NUP98: variants seen among roughly 807,000 people sequenced by gnomAD.
NUP98 encodes the protein nucleoporin 98 and 96 precursor.
Under a neutral mutation model 191.9 loss-of-function variants are expected in NUP98, and 26 were observed. That is an observed-to-expected ratio of 0.14 (90% CI 0.10 to 0.19). NUP98 has a LOEUF of 0.19. Among genes scored for constraint, NUP98 ranks in the 10% least tolerant of loss-of-function variants. The pLI is 1.00. For synonymous variants in NUP98, 808 were observed against 778.4 expected, an observed-to-expected ratio of 1.04 and a Z score of -0.63; for missense variants, 1,941 against 2,178.8, an observed-to-expected ratio of 0.89 and a Z score of 2.17.
intron 6 of NUP98, among the ~76,000 whole-genome samples, chr11:3,773,294 C>T (rs991218263): frequency 6.6e-6 from 1 of 151,798 alleles, no homozygotes. Context: ...GTCCCACCTA[C>T]TTCGGAGGCT....
intron 10 of NUP98, among the ~76,000 whole-genome samples, chr11:3,756,431 G>A (rs2080960431): frequency 6.6e-6 from 1 of 152,022 alleles, no homozygotes; most frequent in South Asian, 2.1e-4. Context: ...TATCACTGAA[G>A]ATGACTGTAA....
At chr11:3,762,833 C>A (rs2081217986) in intron 9 of NUP98, 69 bp downstream of exon 9, 1 of 1,553,088 alleles carries the variant, frequency 6.4e-7, no homozygotes, top group Non-Finnish European at 8.8e-7. Context: ...ACAGTCAAAT[C>A]CTTAGAAGAA....
At chr11:3,783,564 T>G (rs2082046280) in intron 1 of NUP98, among the ~76,000 whole-genome samples, 1 of 152,156 alleles carries the variant, frequency 6.6e-6, no homozygotes, top group Admixed American at 6.6e-5. Context: ...CCAGGCGTGG[T>G]GGTGCATGCC....
chr11:3,796,739 G>C (rs1256201631), intron 1 of NUP98, among the ~76,000 whole-genome samples: 1 of 152,184 alleles, frequency 6.6e-6, no homozygotes, highest in East Asian at 1.9e-4. Context: ...GTTACTCCGG[G>C]CCTCGGTTTC....
intron 28 of NUP98, 57 bp from the exon 29 acceptor site, chr11:3,686,251 A>G (rs958666529): frequency 1.4e-6 from 2 of 1,472,858 alleles, no homozygotes; most frequent in African/African-American, 2.8e-5. Context: ...CTGGACTGAT[A>G]TGTCAACTGT....
intron 15 of NUP98, among the ~76,000 whole-genome samples, 185 bp from the exon 16 acceptor site, chr11:3,723,640 T>C (rs901404799): frequency 6.6e-6 from 1 of 151,996 alleles, no homozygotes; most frequent in Non-Finnish European, 1.5e-5. Flanking sequence ...TATTGTATAC[T>C]CTCCTATATG....
chr11:3,679,421 G>T, intron 31 of NUP98, 133 bp downstream of exon 31: 1 of 1,061,876 alleles, frequency 9.4e-7, no homozygotes, highest in Non-Finnish European at 1.5e-6. Context: ...ATGAGCCTCA[G>T]CAAGATGCCT....
chr11:3,735,379 T>C lies in NUP98; in HGVS notation c.1409-55A>G, dbSNP rs545163663. ...ATATATATATATATAAATGCAAGGA[T>C]ACAATGCATTTGTAACACAGAGCTC... On this transcript the variant is annotated intron_variant, in intron 12 of 32. Transcript: ENST00000324932. 2.8e-4 allele frequency: 279 copies of C among 981,964 alleles called. 4 individuals are homozygous for C. In the South Asian group the frequency reaches 8.8e-3, roughly 31 times the overall value. 60.8% of individuals were successfully genotyped at this position (981,964 alleles called of 1,614,324 possible).
chr11:3,746,261 CTTTA>C lies in NUP98; in HGVS notation c.1268-1616_1268-1613del, dbSNP rs1564877165. Among the ~76,000 whole-genome samples the C allele has an allele frequency of 3.9e-3, 272 of 69,504 alleles. 1 individual carries two copies. Among genetic ancestry groups the C allele is most frequent in the Middle Eastern group, 0.033 (3 of 92 alleles). 45.6% of individuals were successfully genotyped at this position (69,504 alleles called of 152,430 possible). On this transcript the variant is annotated intron_variant, in intron 11 of 32. Coordinates refer to ENST00000324932, the MANE Select transcript of NUP98 (RefSeq NM_016320.5). ...TCCAGCCTGGGCAACAAGAGCAAAACTTTATCTCAAAAAAAAAAAAAAAAAAAAA... is the reference window on the plus strand; with the variant it reads ...TCCAGCCTGGGCAACAAGAGCAAAACTCTCAAAAAAAAAAAAAAAAAAAAA...
At chr11:3,796,103 T>C (rs1038933596) in intron 1 of NUP98, among the ~76,000 whole-genome samples, 17 of 152,242 alleles carry the variant, frequency 1.1e-4, no homozygotes, top group Admixed American at 3.9e-4. Context: ...TCGAGTTTCT[T>C]TTCGAATTTG....
intron 11 of NUP98, among the ~76,000 whole-genome samples, chr11:3,747,147 T>TAGGA (rs2080536965): frequency 1.3e-5 from 2 of 152,168 alleles, no homozygotes; most frequent in Admixed American, 6.5e-5. Context: ...TTTGTCAAGA[T>TAGGA]AGGAAAAATG....
chr11:3,774,719 A>G (rs1204812437), intron 5 of NUP98, among the ~76,000 whole-genome samples: 3 of 152,088 alleles, frequency 2.0e-5, no homozygotes, highest in Admixed American at 1.3e-4. Flanking sequence ...AAAAAAAAAA[A>G]GAAATATGGA....
In NUP98 at chr11:3,771,729, C is replaced by G; in HGVS notation, c.784+19G>C. 6.2e-7 allele frequency: 1 copy of G among 1,609,228 alleles called. No individual in the cohort carries two copies. The highest frequency in any genetic ancestry group is 1.1e-5 in the South Asian group (1 of 90,948). ...TCTGTCTCTCCTCAGTATAATCTAA[C>G]ATGATATCAAGTGCTTACTAGTTCC... On this transcript the variant is annotated intron_variant, in intron 7 of 32. Transcript: ENST00000324932.
chr11:3,724,059 A>G (rs1039309848), intron 15 of NUP98, among the ~76,000 whole-genome samples: 1 of 152,104 alleles, frequency 6.6e-6, no homozygotes, highest in African/African-American at 2.4e-5. Context: ...AGGCATTTCT[A>G]ATAAAATAAA....
chr11:3,763,467 C>T (rs1280112096), intron 8 of NUP98, among the ~76,000 whole-genome samples: 1 of 152,192 alleles, frequency 6.6e-6, no homozygotes, highest in African/African-American at 2.4e-5. Context: ...TAATCAGTAT[C>T]AAGCTGGGGA....
chr11:3,692,316 T>A (rs1239347712), intron 27 of NUP98, among the ~76,000 whole-genome samples: 2 of 143,422 alleles, frequency 1.4e-5, no homozygotes, highest in African/African-American at 2.5e-5. Context: ...AGACCTGATC[T>A]CGATTGAAAA....
intron 12 of NUP98, among the ~76,000 whole-genome samples, chr11:3,740,072 C>T (rs1442744902): frequency 4.6e-5 from 7 of 152,160 alleles, no homozygotes; most frequent in Admixed American, 6.5e-5. Flanking sequence ...GTGTGGGGGT[C>T]AGCACCCCTA....
intron 4 of NUP98, among the ~76,000 whole-genome samples, chr11:3,776,682 T>A (rs2081743738): frequency 6.6e-6 from 1 of 151,264 alleles, no homozygotes; most frequent in South Asian, 2.1e-4. Context: ...TAAGTAGAGA[T>A]GGGGTTTCAC....
intron 7 of NUP98, among the ~76,000 whole-genome samples, chr11:3,771,488 C>A (rs2081529824): frequency 6.6e-6 from 1 of 152,156 alleles, no homozygotes; most frequent in Non-Finnish European, 1.5e-5. Context: ...CCCCAGAAAT[C>A]TGTACAACTT....
Sources: gnomAD v4.1 joint callset for allele counts (sites outside exome capture counted in the v4.1 genomes callset) on GRCh38, gnomAD v4.1.1 for gene constraint, MANE v1.5 for transcripts, NCBI Gene and HGNC (gene_info 2026-07-23, HGNC 2026-07-21) for gene names.